FBN2: variants seen among roughly 807,000 people sequenced by gnomAD.
The protein encoded by FBN2 is fibrillin 2.
FBN2 carries 105 observed loss-of-function variants against 355.6 expected under a neutral mutation model. The ratio of observed to expected loss-of-function variants is 0.30; its 90% confidence interval spans 0.25 to 0.35. The LOEUF (loss-of-function observed/expected upper bound fraction) is 0.35, where lower values mean the gene tolerates loss of function less well. FBN2 is among the 10% of genes least tolerant of loss of function. The pLI, the probability that FBN2 is intolerant of heterozygous loss-of-function variation, is 1.00. For synonymous variants in FBN2, 1,350 were observed against 1,301.2 expected, an observed-to-expected ratio of 1.04 and a Z score of -0.81; for missense variants, 3,280 against 3,758.7, an observed-to-expected ratio of 0.87 and a Z score of 3.33.
Position 128,513,847 on chromosome 5 carries a change from T to C in FBN2, c.628+5426A>G, listed in dbSNP as rs1015118541. 2.6e-5 allele frequency among the ~76,000 whole-genome samples: 4 copies of C among 152,270 alleles called. No individual in the cohort carries two copies. The South Asian group carries it at 6.2e-4, about 24-fold the overall frequency. Reference sequence around the variant, plus strand: ...CCACTGTCTGCTTTTCCTTCTCTAATTTTCTTTCCCTCTGTTCTTAATGGC... The same window carrying C: ...CCACTGTCTGCTTTTCCTTCTCTAACTTTCTTTCCCTCTGTTCTTAATGGC... On this transcript the variant is annotated intron_variant, in intron 5 of 64. Transcript: ENST00000262464.
At chr5:128,378,147 G>T (rs1184510374) in intron 12 of FBN2, among the ~76,000 whole-genome samples, 1 of 151,808 alleles carries the variant, frequency 6.6e-6, no homozygotes, top group African/African-American at 2.4e-5. Context: ...ATTACTGGTT[G>T]CAGCTGTTTT....
rs1164674644 is a variant in FBN2, at chr5:128,259,371, C to T, written c.*84G>A. The T allele has an allele frequency of 2.0e-6, 3 of 1,501,724 alleles. No individual in the cohort carries two copies. The African/African-American group carries it at 4.1e-5, about 21-fold the overall frequency. The allele number at this position is 1,501,724 out of a possible 1,614,324, so 93.0% of individuals were successfully genotyped here. ...AACAAGAGTTATTATTATTTTTCCT[C>T]TTTAAAATTAGTCCTTGACTTTTCA... On this transcript the variant is annotated 3_prime_UTR_variant, in exon 65 of 65. Coordinates refer to ENST00000262464, the MANE Select transcript of FBN2 (RefSeq NM_001999.4).
intron 5 of FBN2, among the ~76,000 whole-genome samples, chr5:128,493,442 C>CA (rs1755564395): frequency 6.6e-6 from 1 of 152,156 alleles, no homozygotes; most frequent in Non-Finnish European, 1.5e-5. Context: ...CTCAGTGTTT[C>CA]AGACACTGGG....
chr5:128,370,334 A>G (rs1751898982), intron 15 of FBN2, among the ~76,000 whole-genome samples: 1 of 152,170 alleles, frequency 6.6e-6, no homozygotes, highest in Non-Finnish European at 1.5e-5. Flanking sequence ...AACTATTCAC[A>G]ACTTGTTGGA....
intron 8 of FBN2, among the ~76,000 whole-genome samples, chr5:128,402,690 A>G (rs1483143183): frequency 6.6e-6 from 1 of 152,206 alleles, no homozygotes; most frequent in Non-Finnish European, 1.5e-5. Flanking sequence ...AGATTAGCCC[A>G]GGTCAGAACA....
intron 6 of FBN2, among the ~76,000 whole-genome samples, chr5:128,455,990 C>CCAAA (rs1754375804): frequency 4.0e-5 from 1 of 25,272 alleles, no homozygotes; most frequent in East Asian, 2.1e-3. Flanking sequence ...GGGTTAGCAA[C>CCAAA]AAAAAAAAAA....
chr5:128,314,776 A>G (rs1270632842), intron 36 of FBN2, among the ~76,000 whole-genome samples: 3 of 152,148 alleles, frequency 2.0e-5, no homozygotes, highest in Admixed American at 2.0e-4. Context: ...TGCAAAATAA[A>G]TATTTTTGTT....
At chr5:128,525,431 A>G (rs972787978) in intron 4 of FBN2, among the ~76,000 whole-genome samples, 1 of 152,176 alleles carries the variant, frequency 6.6e-6, no homozygotes, top group Non-Finnish European at 1.5e-5. Flanking sequence ...AGTCTGTTGT[A>G]GAAAATGTGG....
chr5:128,319,633 A>T (rs931799369), intron 34 of FBN2, among the ~76,000 whole-genome samples: 21 of 151,964 alleles, frequency 1.4e-4, no homozygotes, highest in Non-Finnish European at 4.4e-5. Context: ...TTCTTCCCTA[A>T]TTTCATGTTA....
chr5:128,286,932 A>C (rs1011356347), intron 54 of FBN2, 83 bp from the exon 55 acceptor site: 6 of 1,303,770 alleles, frequency 4.6e-6, no homozygotes, highest in Non-Finnish European at 6.5e-6. Context: ...GTCTTCTGAC[A>C]CTTAACATGT....
At chr5:128,451,085 T>C (rs1471376876) in intron 6 of FBN2, among the ~76,000 whole-genome samples, 1 of 152,194 alleles carries the variant, frequency 6.6e-6, no homozygotes, top group Admixed American at 6.5e-5. Flanking sequence ...AAATATTTCA[T>C]GAACACATCT....
rs1293807502 is a variant in FBN2 at position 128,456,000 on chromosome 5, A to AC, written c.826+8723_826+8724insG. 2.6e-3 allele frequency among the ~76,000 whole-genome samples: 360 copies of AC among 136,086 alleles called. 4 individuals are homozygous for AC. The highest frequency in any genetic ancestry group is 5.1e-3 in the South Asian group (21 of 4,102). The allele number at this position is 136,086 out of a possible 152,430, so 89.3% of individuals were successfully genotyped here. A position where few individuals can be genotyped will look rare whatever the true frequency, so the allele number is the denominator to read the frequency against. ...GGGGAGGGTTAGCAACAAAAAAAAA[A>AC]AAAAAAAAAAAAAAAAAAAAAAAGC... On this transcript the variant is annotated intron_variant, in intron 6 of 64. Coordinates refer to ENST00000262464, the MANE Select transcript of FBN2 (RefSeq NM_001999.4).
At chr5:128,291,057 T>A (rs922784890) in intron 49 of FBN2, among the ~76,000 whole-genome samples, 173 bp from the exon 50 acceptor site, 3 of 152,188 alleles carry the variant, frequency 2.0e-5, no homozygotes, top group African/African-American at 7.2e-5. Flanking sequence ...ATAAAATTAT[T>A]TAATTATTTA....
intron 50 of FBN2, 89 bp downstream of exon 50, chr5:128,290,643 A>G (rs1484643002): frequency 1.3e-5 from 17 of 1,326,338 alleles, no homozygotes; most frequent in Non-Finnish European, 1.6e-5. Context: ...CACTCTCAAA[A>G]TATTCTTAAA....
At position 128,263,596 on chromosome 5, in the gene FBN2, C is replaced by G; in HGVS notation, c.8021G>C (p.Gly2674Ala). The G allele has an allele frequency of 6.2e-7, 1 of 1,614,086 alleles. No homozygotes were observed. Among genetic ancestry groups the G allele is most frequent in the Non-Finnish European group, 8.5e-7 (1 of 1,179,994 alleles). The change falls in exon 63 of 65, where the codon GGG becomes GCG. Residue 2674 changes from glycine to alanine, a missense_variant. Gly to Ala is a moderately conservative substitution (Grantham distance 60). Coordinates refer to ENST00000262464, the MANE Select transcript of FBN2 (RefSeq NM_001999.4). ...CGAGGGGCAGGCGCACTTGTAACTC[C>G]CCAGGGTGTTGTAGCAGGAAGCAGA... ...CGSASCYNTL[G>A]SYKCACPSGF...
At chr5:128,500,085 G>C (rs1272853407) in intron 5 of FBN2, among the ~76,000 whole-genome samples, 1 of 152,004 alleles carries the variant, frequency 6.6e-6, no homozygotes, top group Non-Finnish European at 1.5e-5. Context: ...TATCATCTTC[G>C]ATTGGAAGCC....
Position 128,308,560 on chromosome 5 carries a change from A to C in FBN2, c.5353+687T>G, listed in dbSNP as rs564279406. On this transcript the variant is annotated intron_variant, in intron 41 of 64. Coordinates refer to ENST00000262464, the MANE Select transcript of FBN2 (RefSeq NM_001999.4). ...GGTTCAACTCTTAGTATCTATAGTT[A>C]TTAAAAGTTGCCATTCTCCAGGTCA... Among the ~76,000 whole-genome samples the C allele has an allele frequency of 7.9e-5, 12 of 152,288 alleles. 1 individual carries two copies. In the South Asian group the frequency reaches 2.5e-3, roughly 32 times the overall value.
At chr5:128,300,787 AG>A (rs773878242) in intron 48 of FBN2, 29 bp downstream of exon 48, 6 of 1,611,126 alleles carry the variant, frequency 3.7e-6, no homozygotes, top group Non-Finnish European at 5.1e-6. Flanking sequence ...CTGAACTACT[AG>A]TGGGCCTCAG....
intron 5 of FBN2, among the ~76,000 whole-genome samples, chr5:128,475,753 AG>A (rs2127100159): frequency 6.6e-6 from 1 of 152,316 alleles, no homozygotes; most frequent in Admixed American, 6.5e-5. Context: ...ATTTCCAGAA[AG>A]AACAGTCTAC....
Sources: gnomAD v4.1 joint callset for allele counts (sites outside exome capture counted in the v4.1 genomes callset) on GRCh38, gnomAD v4.1.1 for gene constraint, MANE v1.5 for transcripts, NCBI Gene and HGNC (gene_info 2026-07-23, HGNC 2026-07-21) for gene names.